CFI: variants seen among roughly 807,000 people sequenced by gnomAD.
The protein encoded by CFI is C3B/C4B inactivator.
Under a neutral mutation model 78.8 loss-of-function variants are expected in CFI, and 66 were observed. That is an observed-to-expected ratio of 0.84 (90% CI 0.69 to 1.03). CFI has a LOEUF of 1.03. Among genes scored for constraint, CFI ranks in the 50% least tolerant of loss-of-function variants. The probability of loss-of-function intolerance (pLI) is 0.00; values close to 1 mark genes in which losing one functional copy is unlikely to be tolerated. For missense variants in CFI, 706 were observed against 704.5 expected (o/e 1.00, Z -0.02); for synonymous variants, 250 against 232.6 (o/e 1.07, Z -0.68).
chr4:109,733,864 A>G, the CFI span, among the ~76,000 whole-genome samples: 1 of 152,218 alleles, frequency 6.6e-6, no homozygotes. Context: ...CAGAATAGAA[A>G]TGGCTTTTAA....
At chr4:109,783,812 GATATATATAT>G (rs34128338) in intron 1 of CFI, among the ~76,000 whole-genome samples, 8 of 113,004 alleles carry the variant, frequency 7.1e-5, no homozygotes, top group Non-Finnish European at 9.5e-5. Context: ...AAGAAACTGT[GATATATATAT>G]ATATATATAT....
chr4:109,794,555 G>A (rs974578993), intron 1 of CFI: 1 of 152,064 alleles, frequency 6.6e-6, no homozygotes, highest in African/African-American at 2.4e-5. Flanking sequence ...ACTTTGGGAG[G>A]GTGAGGTGGG....
chr4:109,790,635 A>G (rs1262529539), intron 1 of CFI, among the ~76,000 whole-genome samples: 1 of 151,860 alleles, frequency 6.6e-6, no homozygotes, highest in African/African-American at 2.4e-5. Context: ...AGGCCCCTCT[A>G]TGTGTCTATG....
the CFI span, among the ~76,000 whole-genome samples, chr4:109,733,789 T>C: frequency 6.6e-6 from 1 of 152,188 alleles, no homozygotes; most frequent in African/African-American, 2.4e-5. Flanking sequence ...AGTCATACCA[T>C]ATCCAAGAAG....
intron 1 of CFI, among the ~76,000 whole-genome samples, chr4:109,792,585 A>AC (rs879512136): frequency 9.1e-4 from 132 of 145,570 alleles, no homozygotes; most frequent in South Asian, 2.4e-3. Flanking sequence ...AAACAAACCC[A>AC]CCCCCCCCAA....
rs1723728748 is a variant in CFI at position 109,741,043 on chromosome 4, G to A, written c.1602C>T (p.Ala534=). Residue 534 remains alanine, a synonymous_variant, in exon 13 of 13, where the codon GCC becomes GCT. Coordinates refer to ENST00000394634, the MANE Select transcript of CFI (RefSeq NM_000204.5). ...DSGGPLVCMD[A]NNVTYVWGVV... ...CACCCCAGACATAAGTCACATTGTT[G>A]GCATCCATACAGACTAAGGGGCCTC... 6 of 1,614,030 alleles carry A rather than the reference G, an allele frequency of 3.7e-6. No individual in the cohort carries two copies. Among genetic ancestry groups the A allele is most frequent in the Non-Finnish European group, 5.1e-6 (6 of 1,180,018 alleles).
chr4:109,734,587 C>T, the CFI span, among the ~76,000 whole-genome samples: 448 of 152,150 alleles, frequency 2.9e-3, 4 homozygotes, highest in African/African-American at 9.3e-3. Context: ...GCAGATCACA[C>T]GGTCAGGAGT....
At chr4:109,751,343 G>C (rs1470425354) in intron 8 of CFI, among the ~76,000 whole-genome samples, 1 of 151,768 alleles carries the variant, frequency 6.6e-6, no homozygotes. Flanking sequence ...AACCAACTTA[G>C]GTAGTATCTG....
At chr4:109,782,916 A>G (rs1324557021) in intron 1 of CFI, among the ~76,000 whole-genome samples, 3 of 152,190 alleles carry the variant, frequency 2.0e-5, no homozygotes, top group South Asian at 2.1e-4. Flanking sequence ...AAGCAAAAAC[A>G]TAAAGTGGCG....
At chr4:109,775,138 T>C (rs761966911) in intron 1 of CFI, among the ~76,000 whole-genome samples, 1 of 151,998 alleles carries the variant, frequency 6.6e-6, no homozygotes, top group Non-Finnish European at 1.5e-5. Context: ...CCAACTAAGG[T>C]ACCAAGTTCA....
At chr4:109,752,767 A>G (rs1725294696) in intron 7 of CFI, among the ~76,000 whole-genome samples, 1 of 149,252 alleles carries the variant, frequency 6.7e-6, no homozygotes, top group South Asian at 2.1e-4. Context: ...GTTGAGACTC[A>G]TGGTGTCACA....
In CFI at chr4:109,800,321, G is replaced by GTT. The variant is rs554145445; in HGVS notation, c.57+1592_57+1593dup. On this transcript the variant is annotated intron_variant, in intron 1 of 12. Transcript: ENST00000394634. ...GTTGACTGAAATATTTGGCTTCTCTGTTTTTTTTTTTTTTTTTTTTTTTTT... is the reference window on the plus strand; with the variant it reads ...GTTGACTGAAATATTTGGCTTCTCTGTTTTTTTTTTTTTTTTTTTTTTTTTTT... 8.1e-3 allele frequency among the ~76,000 whole-genome samples: 393 copies of GTT among 48,798 alleles called. 80 individuals carry two copies. Among genetic ancestry groups the GTT allele is most frequent in the African/African-American group, 0.029 (368 of 12,842 alleles). 32.0% of individuals were successfully genotyped at this position (48,798 alleles called of 152,430 possible).
intron 11 of CFI, 136 bp downstream of exon 11, chr4:109,746,086 G>T: frequency 9.3e-7 from 1 of 1,076,748 alleles, no homozygotes; most frequent in Non-Finnish European, 1.4e-6. Flanking sequence ...CATGAAGCCA[G>T]CCATGGCTGG....
At chr4:109,751,277 T>C (rs569195781) in intron 8 of CFI, among the ~76,000 whole-genome samples, 8 of 152,100 alleles carry the variant, frequency 5.3e-5, no homozygotes, top group African/African-American at 9.6e-5. Context: ...AGTGTGATGG[T>C]AAGTTTTTGC....
chr4:109,772,125 G>A (rs997868332), intron 1 of CFI, among the ~76,000 whole-genome samples: 4 of 152,168 alleles, frequency 2.6e-5, no homozygotes, highest in African/African-American at 7.2e-5. Flanking sequence ...TGTTAACAAG[G>A]GCAACATTAA....
At chr4:109,756,888 GGAAA>G (rs561123299) in intron 7 of CFI, among the ~76,000 whole-genome samples, 3,074 of 57,646 alleles carry the variant, frequency 0.053, 97 homozygotes, top group Middle Eastern at 0.078. Context: ...AAGAAAGAAA[GGAAA>G]GAAAGAAAGA....
At chr4:109,782,012 A>G (rs936059962) in intron 1 of CFI, among the ~76,000 whole-genome samples, 1 of 152,142 alleles carries the variant, frequency 6.6e-6, no homozygotes, top group African/African-American at 2.4e-5. Context: ...GCATACCTTA[A>G]TGTAATAAAA....
At position 109,760,376 on chromosome 4, in the gene CFI, G is replaced by A; in HGVS notation, c.777C>T (p.Cys259=). 1 of 1,612,044 alleles carries A rather than the reference G, an allele frequency of 6.2e-7. No individual in the cohort carries two copies. The highest frequency in any genetic ancestry group is 8.5e-7 in the Non-Finnish European group (1 of 1,178,146). Residue 259 remains cysteine, a synonymous_variant, in exon 6 of 13, where the codon TGC becomes TGT. Coordinates refer to ENST00000394634, the MANE Select transcript of CFI (RefSeq NM_000204.5). ...ATTTGCAATGGAAGCCTTTGCCTTG[G>A]CATGCTGTGCAAACATAAGCAGGAG... ...DQSDELCCKA[C]QGKGFHCKSG...
In CFI at chr4:109,771,714, C is replaced by CAAAAAAAAAAA. The variant is rs149565381; in HGVS notation, c.58-4901_58-4891dup. On this transcript the variant is annotated intron_variant, in intron 1 of 12. Transcript: ENST00000394634. ...GGGCAACACAGCAAGACTCCATCAC[C>CAAAAAAAAAAA]AAAAAAAAAAAAAAAAAAAAAAAAA... Among the ~76,000 whole-genome samples, 9 of 18,128 alleles carry CAAAAAAAAAAA rather than the reference C, an allele frequency of 5.0e-4. 1 individual carries two copies. The highest frequency in any genetic ancestry group is 1.0e-3 in the African/African-American group (6 of 5,792). 11.9% of individuals were successfully genotyped at this position (18,128 alleles called of 152,430 possible). A position where few individuals can be genotyped will look rare whatever the true frequency, so the allele number is the denominator to read the frequency against.
Sources: allele counts gnomAD v4.1 joint callset (sites outside exome capture counted in the v4.1 genomes callset), GRCh38; gene constraint gnomAD v4.1.1; transcripts MANE v1.5; gene names NCBI Gene and HGNC (gene_info 2026-07-23, HGNC 2026-07-21).